The following EBF1 variants were observed in gnomAD, a reference collection of about 807,000 sequenced individuals.
The protein encoded by EBF1 is EBF transcription factor 1.
In EBF1, 10 loss-of-function variants were observed where a neutral mutation model predicts 68.4. The ratio of observed to expected loss-of-function variants is 0.15; its 90% CI spans 0.09 to 0.25. The LOEUF is 0.25. Among genes scored for constraint, EBF1 ranks in the 10% least tolerant of loss-of-function variants. The pLI is 1.00. For missense variants in EBF1, 509 were observed against 794.4 expected (o/e 0.64, Z 4.32); for synonymous variants, 298 against 299.8 (o/e 0.99, Z 0.06).
intron 10 of EBF1, among the ~76,000 whole-genome samples, chr5:158,735,580 C>T (rs945564967): frequency 2.0e-5 from 3 of 152,062 alleles, no homozygotes; most frequent in African/African-American, 4.8e-5. Flanking sequence ...TGAGAAGGAT[C>T]CCCTCACCCA....
At chr5:159,070,241 C>G (rs1485286424) in intron 6 of EBF1, among the ~76,000 whole-genome samples, 16 of 152,134 alleles carry the variant, frequency 1.1e-4, no homozygotes, top group Middle Eastern at 3.2e-3. Flanking sequence ...AGAAATGTAA[C>G]CTGGCATTCA....
intron 10 of EBF1, among the ~76,000 whole-genome samples, chr5:158,734,863 G>A (rs954545927): frequency 6.6e-6 from 1 of 152,160 alleles, no homozygotes; most frequent in Non-Finnish European, 1.5e-5. Flanking sequence ...GTGTGGCCCT[G>A]CTTCCAAATA....
intron 6 of EBF1, among the ~76,000 whole-genome samples, chr5:159,016,193 G>A (rs1222600249): frequency 6.6e-6 from 1 of 152,186 alleles, no homozygotes; most frequent in Non-Finnish European, 1.5e-5. Flanking sequence ...ATTCCATACA[G>A]AACCTAGTCC....
intron 4 of EBF1, among the ~76,000 whole-genome samples, chr5:159,087,754 C>T (rs1780971124): frequency 1.3e-5 from 2 of 152,096 alleles, no homozygotes; most frequent in African/African-American, 4.8e-5. Flanking sequence ...CCTTTGCCTC[C>T]ATGATACATC....
Position 158,713,096 on chromosome 5 carries a change from G to C in EBF1, c.1243C>G (p.Pro415Ala). 1 of 1,597,878 alleles carries C rather than the reference G, an allele frequency of 6.3e-7. No homozygotes were observed. The highest frequency in any genetic ancestry group is 8.5e-7 in the Non-Finnish European group (1 of 1,170,888). Residue 415 changes from proline to alanine, a missense_variant, in exon 13 of 16, where the codon CCC becomes GCC. This residue lies in a region of EBF1 where 205 missense variants were observed against 247.4 expected (regional missense o/e 0.83). Transcript: ENST00000313708. ...GCCGGGAGTTGGTTGTGGTTGCGGG[G>C]AACACTGTACAGGGCCTCGGCAATG... The part of the protein sequence containing the change: ...ADIAEALYSV[P>A]RNHNQLPALA...
At chr5:158,720,841 G>A (rs1160110699) in intron 11 of EBF1, among the ~76,000 whole-genome samples, 1 of 152,060 alleles carries the variant, frequency 6.6e-6, no homozygotes, top group Non-Finnish European at 1.5e-5. Context: ...TTGCAGGGAG[G>A]CATAAAATGC....
At chr5:158,798,555 A>C (rs182093186) in intron 8 of EBF1, among the ~76,000 whole-genome samples, 1 of 152,314 alleles carries the variant, frequency 6.6e-6, no homozygotes, top group African/African-American at 2.4e-5. Flanking sequence ...TAGCATGGCC[A>C]AGACCTGCTG....
chr5:159,095,809 T>C (rs1359234280), intron 3 of EBF1, 134 bp from the exon 4 acceptor site: 6 of 868,176 alleles, frequency 6.9e-6, no homozygotes, highest in East Asian at 2.6e-5. Context: ...CCAAGGCTGA[T>C]TGGAACTCCC....
At chr5:158,842,367 G>GGCT (rs1790505351) in intron 6 of EBF1, among the ~76,000 whole-genome samples, 2 of 152,278 alleles carry the variant, frequency 1.3e-5, no homozygotes, top group South Asian at 4.1e-4. Context: ...CATGAAAACT[G>GGCT]GCTGCTGCTT....
intron 10 of EBF1, among the ~76,000 whole-genome samples, chr5:158,747,662 G>A (rs1259473924): frequency 4.6e-5 from 7 of 152,150 alleles, no homozygotes; most frequent in Non-Finnish European, 1.0e-4. Flanking sequence ...TCCTTTAAAG[G>A]CTGTTTTGCA....
chr5:158,800,407 T>C (rs1201128094), intron 8 of EBF1, among the ~76,000 whole-genome samples: 2 of 152,018 alleles, frequency 1.3e-5, no homozygotes, highest in Non-Finnish European at 2.9e-5. Flanking sequence ...TAGACTGGGG[T>C]TGACAGAAAA....
At chr5:158,902,817 G>A (rs1020121090) in intron 6 of EBF1, among the ~76,000 whole-genome samples, 2 of 151,962 alleles carry the variant, frequency 1.3e-5, no homozygotes, top group African/African-American at 4.8e-5. Flanking sequence ...ACAAAGCTGT[G>A]GATAGAAAAG....
chr5:159,011,085 A>C (rs1045160053), intron 6 of EBF1, among the ~76,000 whole-genome samples: 1 of 152,240 alleles, frequency 6.6e-6, no homozygotes, highest in Non-Finnish European at 1.5e-5. Flanking sequence ...TTTGAATTGC[A>C]TCAGGGTCAC....
At chr5:158,915,627 A>G (rs1344711006) in intron 6 of EBF1, among the ~76,000 whole-genome samples, 1 of 152,196 alleles carries the variant, frequency 6.6e-6, no homozygotes, top group Non-Finnish European at 1.5e-5. Flanking sequence ...TGGCACAAAC[A>G]GTAAGGAGAT....
chr5:158,858,623 A>G (rs1794465269), intron 6 of EBF1, among the ~76,000 whole-genome samples: 1 of 152,174 alleles, frequency 6.6e-6, no homozygotes, highest in South Asian at 2.1e-4. Flanking sequence ...AAATCTCCCC[A>G]AATTCTCTCC....
rs151088711 is a variant in EBF1 at position 158,816,635 on chromosome 5, G to C, written c.778+6541C>G. Among the ~76,000 whole-genome samples, 808 of 152,218 alleles carry C rather than the reference G, an allele frequency of 5.3e-3. 10 individuals carry two copies. The highest frequency in any genetic ancestry group is 0.019 in the African/African-American group (778 of 41,522). On this transcript the variant is annotated intron_variant, in intron 8 of 15. Transcript: ENST00000313708. ...GTTTATTTTCACTCACTAAGTTTTG[G>C]TGGGGTAATATACATTTTAATGGGT...
At chr5:159,099,279 C>A in intron 1 of EBF1, 66 bp downstream of exon 1, 1 of 1,308,130 alleles carries the variant, frequency 7.6e-7, no homozygotes, top group Non-Finnish European at 9.9e-7. Context: ...GCTGCCGCTG[C>A]CGCCTCCGCC....
chr5:159,035,953 G>A (rs917190131), intron 6 of EBF1, among the ~76,000 whole-genome samples: 2 of 152,134 alleles, frequency 1.3e-5, no homozygotes, highest in Admixed American at 6.6e-5. Flanking sequence ...GATTTAAAAG[G>A]GAAGTTCTCC....
chr5:158,982,135 G>C (rs1473051560), intron 6 of EBF1, among the ~76,000 whole-genome samples: 1 of 152,174 alleles, frequency 6.6e-6, no homozygotes, highest in Admixed American at 6.5e-5. Flanking sequence ...CACGCTAATT[G>C]AAACTCTGTA....
Sources: gnomAD v4.1 joint callset for allele counts (sites outside exome capture counted in the v4.1 genomes callset) on GRCh38, gnomAD v4.1.1 for gene constraint, gnomAD v4.1.1 regional missense constraint, MANE v1.5 for transcripts, NCBI Gene and HGNC (gene_info 2026-07-23, HGNC 2026-07-21) for gene names.